Variants in PCLO observed in about 807,000 individuals in gnomAD.
The protein encoded by PCLO is protein piccolo.
In PCLO, 82 loss-of-function variants were observed where a neutral mutation model predicts 427.5. The observed-to-expected ratio is 0.19, with a 90% CI of 0.16 to 0.23. The LOEUF is 0.23. PCLO is among the 10% of genes least tolerant of loss of function. PCLO has a pLI of 1.00. For missense variants in PCLO, 6,239 were observed against 6,115.9 expected (o/e 1.02, Z -0.67); for synonymous variants, 2,357 against 2,155.4 (o/e 1.09, Z -2.59).
At chr7:83,038,029 A>ATATATATATATATTTATATC (rs1788855213) in intron 3 of PCLO, among the ~76,000 whole-genome samples, 1 of 36,484 alleles carries the variant, frequency 2.7e-5, no homozygotes, top group Admixed American at 4.7e-4. Context: ...ATATATATAT[A>ATATATATATATATTTATATC]TTTATATATT....
chr7:82,968,448 C>G (rs1252289783), intron 3 of PCLO, among the ~76,000 whole-genome samples: 1 of 151,430 alleles, frequency 6.6e-6, no homozygotes, highest in Non-Finnish European at 1.5e-5. Flanking sequence ...CAATCTTAAT[C>G]TATAACATGG....
chr7:82,941,775 A>G (rs955354542), intron 6 of PCLO, among the ~76,000 whole-genome samples: 2 of 152,180 alleles, frequency 1.3e-5, no homozygotes, highest in East Asian at 1.9e-4. Context: ...AACTTTTCCA[A>G]ATTTTTATAT....
At chr7:83,093,642 G>A (rs1184451739) in intron 3 of PCLO, among the ~76,000 whole-genome samples, 7 of 148,708 alleles carry the variant, frequency 4.7e-5, no homozygotes, top group South Asian at 2.1e-4. Flanking sequence ...ACAGGCGCCC[G>A]CTACCACACC....
At chr7:82,939,336 T>C (rs1024979058) in intron 6 of PCLO, among the ~76,000 whole-genome samples, 1 of 152,084 alleles carries the variant, frequency 6.6e-6, no homozygotes, top group Non-Finnish European at 1.5e-5. Context: ...CCATGGTAAA[T>C]GACAATTTTA....
At chr7:83,057,331 T>C (rs1259843742) in intron 3 of PCLO, among the ~76,000 whole-genome samples, 88 of 16,864 alleles carry the variant, frequency 5.2e-3, no homozygotes, top group African/African-American at 0.018. Context: ...TATATATATA[T>C]ATATATATAT....
In PCLO at chr7:82,835,708, A is replaced by G; in HGVS notation, c.14223-15T>C. 1 of 1,606,602 alleles carries G rather than the reference A, an allele frequency of 6.2e-7. No homozygotes were observed. Among genetic ancestry groups the G allele is most frequent in the Non-Finnish European group, 8.5e-7 (1 of 1,175,244 alleles). Reference sequence around the variant, plus strand: ...CCATGACTTGACTGCATTGATTCCAAGAGCGAGAGTGAAGGGGTAAAACAG... The same window carrying G: ...CCATGACTTGACTGCATTGATTCCAGGAGCGAGAGTGAAGGGGTAAAACAG... On this transcript the variant is annotated splice_polypyrimidine_tract_variant and intron_variant, in intron 15 of 24. Transcript: ENST00000333891.
chr7:82,954,923 G>C lies in PCLO; in HGVS notation c.6030C>G (p.Leu2010=). The change falls in exon 5 of 25, where the codon CTC becomes CTG. Residue 2010 remains leucine (L), a synonymous_variant. Transcript: ENST00000333891. ...YEDPMQKITD[L]QKEFYELESL... ...TTTCTAACTCATAAAACTCTTTCTG[G>C]AGGTCTGTAATTTTCTGCATAGGAT... 1 of 1,613,574 alleles carries C rather than the reference G, an allele frequency of 6.2e-7. No homozygotes were observed. Among genetic ancestry groups the C allele is most frequent in the Non-Finnish European group, 8.5e-7 (1 of 1,179,784 alleles).
chr7:83,045,288 T>C (rs553737311), intron 3 of PCLO, among the ~76,000 whole-genome samples: 28 of 152,094 alleles, frequency 1.8e-4, no homozygotes, highest in African/African-American at 6.0e-4. Context: ...TATGTAATTG[T>C]ATTGGGGGTG....
At chr7:82,804,777 A>G (rs945030883) in intron 21 of PCLO, among the ~76,000 whole-genome samples, 9 of 152,172 alleles carry the variant, frequency 5.9e-5, no homozygotes, top group African/African-American at 2.2e-4. Context: ...AGTGTCACAA[A>G]ATATCACACT....
chr7:82,876,950 TAATC>T, intron 10 of PCLO, among the ~76,000 whole-genome samples: 1 of 152,284 alleles, frequency 6.6e-6, no homozygotes, highest in South Asian at 2.1e-4. Flanking sequence ...ATAACATAAT[TAATC>T]AAAATAAAAT....
chr7:83,038,013 A>ATATATATATATATATTTATATATT (rs1788846606), intron 3 of PCLO, among the ~76,000 whole-genome samples: 2 of 47,268 alleles, frequency 4.2e-5, no homozygotes, highest in African/African-American at 2.9e-4. Flanking sequence ...ATATATATAT[A>ATATATATATATATATTTATATATT]TATATATATA....
intron 3 of PCLO, among the ~76,000 whole-genome samples, chr7:83,097,191 ATAT>A (rs1360523195): frequency 8.0e-6 from 1 of 125,234 alleles, no homozygotes; most frequent in Non-Finnish European, 1.6e-5. Flanking sequence ...ATTATATATT[ATAT>A]TATTATATAA....
chr7:82,898,065 T>C (rs1419891883), intron 9 of PCLO, among the ~76,000 whole-genome samples: 1 of 151,592 alleles, frequency 6.6e-6, no homozygotes, highest in Non-Finnish European at 1.5e-5. Flanking sequence ...GCAAAATTCA[T>C]GAGAAGGGGA....
intron 3 of PCLO, among the ~76,000 whole-genome samples, chr7:83,084,989 T>C (rs999469846): frequency 1.3e-5 from 2 of 152,172 alleles, no homozygotes; most frequent in Non-Finnish European, 2.9e-5. Context: ...CTTTATAATA[T>C]ACATGTGAAA....
intron 3 of PCLO, among the ~76,000 whole-genome samples, chr7:83,046,021 G>A (rs1440120588): frequency 6.6e-6 from 1 of 151,970 alleles, no homozygotes; most frequent in Non-Finnish European, 1.5e-5. Flanking sequence ...CTCTCTTCTT[G>A]GCTTGTAGAT....
chr7:82,853,182 AATT>A (rs1385636380), intron 10 of PCLO, among the ~76,000 whole-genome samples: 2 of 152,106 alleles, frequency 1.3e-5, no homozygotes, highest in African/African-American at 2.4e-5. Flanking sequence ...ATATTTTTTA[AATT>A]ATTATTGCTA....
rs1228442972 is a variant in PCLO, at chr7:82,858,277, C to CA, written c.13655-11031dup. On this transcript the variant is annotated intron_variant, in intron 10 of 24. Coordinates refer to ENST00000333891, the MANE Select transcript of PCLO (RefSeq NM_033026.6). ...GACAAAATTCAACATCCTCTCATGA[C>CA]AAAAAACTCTCAACAAATTGTGTAT... Among the ~76,000 whole-genome samples, 8 of 152,044 alleles carry CA rather than the reference C, an allele frequency of 5.3e-5. No individual in the cohort carries two copies. In the South Asian group the frequency reaches 6.2e-4, roughly 12 times the overall value.
chr7:82,861,161 G>A (rs1441321590), intron 10 of PCLO, among the ~76,000 whole-genome samples: 1 of 152,042 alleles, frequency 6.6e-6, no homozygotes, highest in East Asian at 1.9e-4. Flanking sequence ...GATATAGAGT[G>A]GCTGAATGGG....
At chr7:82,846,236 C>T (rs1479368356) in intron 12 of PCLO, among the ~76,000 whole-genome samples, 1 of 151,936 alleles carries the variant, frequency 6.6e-6, no homozygotes, top group Non-Finnish European at 1.5e-5. Context: ...TATGTAAAAC[C>T]AAAATGAAAT....
Sources: allele counts gnomAD v4.1 joint callset (sites outside exome capture counted in the v4.1 genomes callset), GRCh38; gene constraint gnomAD v4.1.1; transcripts MANE v1.5; gene names NCBI Gene and HGNC (gene_info 2026-07-23, HGNC 2026-07-21).